The following C1GALT1 variants were observed in gnomAD, a reference collection of about 807,000 sequenced individuals.
C1GALT1 encodes glycoprotein-N-acetylgalactosamine 3-beta-galactosyltransferase 1.
In C1GALT1, 11 loss-of-function variants were observed where a neutral mutation model predicts 31.0. The ratio of observed to expected loss-of-function variants is 0.36; its 90% confidence interval spans 0.22 to 0.59. The LOEUF (loss-of-function observed/expected upper bound fraction) is 0.59, where lower values mean the gene tolerates loss of function less well. Ranked by LOEUF, C1GALT1 falls within the 20% of genes least tolerant of loss-of-function variation. C1GALT1 has a pLI of 0.79. For missense variants in C1GALT1, 424 were observed against 425.2 expected (o/e 1.00, Z 0.03); for synonymous variants, 175 against 143.6 (o/e 1.22, Z -1.56).
upstream of C1GALT1, among the ~76,000 whole-genome samples, chr7:7,180,805 G>GCTTCAGC (rs1263456112): frequency 1.3e-5 from 2 of 151,738 alleles, no homozygotes; most frequent in Non-Finnish European, 2.9e-5. Flanking sequence ...CGGGAAGATT[G>GCTTCAGC]CTTCAGCCTT....
At chr7:7,198,771 A>G (rs972175672) in intron 1 of C1GALT1, among the ~76,000 whole-genome samples, 1 of 152,124 alleles carries the variant, frequency 6.6e-6, no homozygotes, top group Non-Finnish European at 1.5e-5. Flanking sequence ...GGGAGGGTGT[A>G]TGTGTCCAGG....
intron 1 of C1GALT1, among the ~76,000 whole-genome samples, chr7:7,190,790 C>G (rs888478930): frequency 9.9e-5 from 15 of 152,010 alleles, no homozygotes; most frequent in African/African-American, 3.6e-4. Flanking sequence ...CCACAATGCC[C>G]CTTTCCAGAA....
chr7:7,209,910 T>C (rs1325888556), intron 1 of C1GALT1, among the ~76,000 whole-genome samples: 1 of 151,864 alleles, frequency 6.6e-6, no homozygotes, highest in African/African-American at 2.4e-5. Flanking sequence ...TAGTGGAAAA[T>C]TACAGTCAAA....
intron 1 of C1GALT1, among the ~76,000 whole-genome samples, chr7:7,232,426 C>G (rs1783121204): frequency 6.6e-6 from 1 of 151,574 alleles, no homozygotes; most frequent in Middle Eastern, 3.5e-3. Flanking sequence ...GCCCATTGCC[C>G]TCTGCTGTTA....
intron 2 of C1GALT1, among the ~76,000 whole-genome samples, chr7:7,163,493 G>T (rs955461273): frequency 2.0e-5 from 3 of 152,124 alleles, no homozygotes; most frequent in African/African-American, 7.2e-5. Flanking sequence ...AGGAAATAAA[G>T]GGTATTCAAT....
At chr7:7,169,385 G>T (rs1163299504) in intron 2 of C1GALT1, among the ~76,000 whole-genome samples, 1 of 152,118 alleles carries the variant, frequency 6.6e-6, no homozygotes, top group East Asian at 1.9e-4. Context: ...GAGCCAAACT[G>T]CTGGGTTGTA....
chr7:7,209,507 G>A (rs774893001), intron 1 of C1GALT1: 2 of 152,194 alleles, frequency 1.3e-5, no homozygotes, highest in Admixed American at 6.5e-5. Flanking sequence ...GTGCATATAA[G>A]TATAGAAACA....
chr7:7,237,685 C>G (rs1393183213), intron 2 of C1GALT1, among the ~76,000 whole-genome samples: 3 of 152,266 alleles, frequency 2.0e-5, no homozygotes, highest in African/African-American at 7.2e-5. Flanking sequence ...CTTTTACCAC[C>G]TCAGGGTACT....
upstream of C1GALT1, chr7:7,178,268 T>C (rs1247703950): frequency 1.7e-5 from 4 of 232,386 alleles, no homozygotes; most frequent in Non-Finnish European, 3.9e-5. Flanking sequence ...CATGAAAATG[T>C]TGCAGAGAGA....
In C1GALT1 at chr7:7,238,983, A is replaced by G; in HGVS notation, c.888+61A>G. On this transcript the variant is annotated intron_variant, in intron 3 of 3. Coordinates refer to ENST00000436587, the MANE Select transcript of C1GALT1 (RefSeq NM_020156.5). The surrounding 1 kb of genome is among the most constrained non-coding windows in gnomAD (Gnocchi z 5.2). ...GGACTGACTGAATTTTGTTGATAAA[A>G]ACATGTTAATATGTGTATGTTTCTT... 1 of 1,349,498 alleles carries G rather than the reference A, an allele frequency of 7.4e-7. No homozygotes were observed. The highest frequency in any genetic ancestry group is 1.0e-6 in the Non-Finnish European group (1 of 978,940). The allele number at this position is 1,349,498 out of a possible 1,614,324, so 83.6% of individuals were successfully genotyped here.
At chr7:7,217,163 G>C (rs1357511185) in intron 1 of C1GALT1, among the ~76,000 whole-genome samples, 2 of 152,206 alleles carry the variant, frequency 1.3e-5, no homozygotes, top group East Asian at 3.8e-4. Flanking sequence ...TCTGATGAGT[G>C]AAGGAACACC....
At chr7:7,211,532 A>G (rs1281220267) in intron 1 of C1GALT1, among the ~76,000 whole-genome samples, 3 of 152,226 alleles carry the variant, frequency 2.0e-5, no homozygotes, top group Admixed American at 1.3e-4. Context: ...ACTCTGTCCA[A>G]TATTTCAGTT....
chr7:7,219,011 T>G (rs568793106), intron 1 of C1GALT1, among the ~76,000 whole-genome samples: 2 of 151,260 alleles, frequency 1.3e-5, no homozygotes, highest in South Asian at 4.2e-4. Flanking sequence ...TTTTTTGTAT[T>G]TTTTTTTAGC....
intron 1 of C1GALT1, among the ~76,000 whole-genome samples, chr7:7,233,267 TTTTC>T (rs1401153367): frequency 2.0e-5 from 3 of 152,022 alleles, no homozygotes; most frequent in Admixed American, 6.6e-5. Flanking sequence ...TCAGCAAACT[TTTTC>T]TTTTTTTTTT....
intron 2 of C1GALT1, among the ~76,000 whole-genome samples, chr7:7,237,310 T>C (rs1292869656): frequency 6.6e-6 from 1 of 152,186 alleles, no homozygotes; most frequent in Non-Finnish European, 1.5e-5. Context: ...GGTCCTGGCC[T>C]GACACTTTGT....
Position 7,247,276 on chromosome 7 carries a change from A to ATCTT in C1GALT1, c.*3551_*3554dup, listed in dbSNP as rs1783885668. 6.6e-6 allele frequency: 1 copy of ATCTT among 152,094 alleles called. No individual in the cohort carries two copies. Among genetic ancestry groups the ATCTT allele is most frequent in the African/African-American group, 2.4e-5 (1 of 41,444 alleles). The allele number at this position is 152,094 out of a possible 1,614,324, so 9.4% of individuals were successfully genotyped here. A position where few individuals can be genotyped will look rare whatever the true frequency, so the allele number is the denominator to read the frequency against. ...TGTATTCACTATCTTTTAGATTAAG[A>ATCTT]TCTTTGTTATTTGGTAAATGATTTC... On this transcript the variant is annotated 3_prime_UTR_variant, in exon 4 of 4. Coordinates refer to ENST00000436587, the MANE Select transcript of C1GALT1 (RefSeq NM_020156.5).
intron 1 of C1GALT1, among the ~76,000 whole-genome samples, chr7:7,197,123 A>G (rs1031767872): frequency 6.6e-6 from 1 of 152,200 alleles, no homozygotes; most frequent in Non-Finnish European, 1.5e-5. Context: ...GCCCATGCCT[A>G]TGGCCTGAAT....
At chr7:7,167,224 G>A (rs575195566) in intron 2 of C1GALT1, among the ~76,000 whole-genome samples, 48 of 152,288 alleles carry the variant, frequency 3.2e-4, no homozygotes, top group African/African-American at 1.2e-3. Context: ...AATTGCTTAT[G>A]CAGTGTACAG....
chr7:7,243,380 C>T (rs2128253756), intron 3 of C1GALT1, 144 bp from the exon 4 acceptor site: 1 of 621,832 alleles, frequency 1.6e-6, no homozygotes, highest in Non-Finnish European at 2.7e-6. Context: ...TTCCACAGGT[C>T]TAGTACATTA....
Sources: gnomAD v4.1 joint callset for allele counts (sites outside exome capture counted in the v4.1 genomes callset) on GRCh38, gnomAD v4.1.1 for gene constraint, Gnocchi (gnomAD v3.1) non-coding constraint, MANE v1.5 for transcripts, NCBI Gene and HGNC (gene_info 2026-07-23, HGNC 2026-07-21) for gene names.